The following PRAMEF14 variants were observed in gnomAD, a reference collection of about 807,000 sequenced individuals.
The protein encoded by PRAMEF14 is PRAME family member 14.
PRAMEF14 carries 24 observed loss-of-function variants against 38.3 expected under a neutral mutation model. The observed-to-expected ratio is 0.63, with a 90% CI of 0.45 to 0.88. PRAMEF14 has a LOEUF of 0.88. Ranked by LOEUF, PRAMEF14 falls within the 40% of genes least tolerant of loss-of-function variation. PRAMEF14 has a pLI of 0.00. For synonymous variants in PRAMEF14, 194 were observed against 226.4 expected (o/e 0.86, Z 1.29); for missense variants, 477 against 570.8 (o/e 0.84, Z 1.67).
intron 3 of PRAMEF14, chr1:13,343,800 G>A (rs1640364075): frequency 6.8e-7 from 1 of 1,461,044 alleles, no homozygotes; most frequent in African/African-American, 1.4e-5. Context: ...TAACTAGCTT[G>A]TACATGATGT....
chr1:13,344,748 T>G (rs1304425664), intron 2 of PRAMEF14, 132 bp from the exon 3 acceptor site: 1 of 1,458,268 alleles, frequency 6.9e-7, no homozygotes, highest in Non-Finnish European at 9.3e-7. Flanking sequence ...TCTCAATCCC[T>G]GTTCCCTTTT....
Position 13,344,318 on chromosome 1 carries a change from T to C in PRAMEF14, c.586A>G (p.Arg196Gly). 5.0e-6 allele frequency: 8 copies of C among 1,607,954 alleles called. No individual in the cohort carries two copies. The South Asian group carries it at 8.8e-5, about 18-fold the overall frequency. Reference protein sequence around the residue: ...VNYLTPIKHLRKSLKIIYLNS... With the variant: ...VNYLTPIKHLGKSLKIIYLNS... ...AGGTATATTATTTTCAATGACTTTCTGAGATGTTTAATCGGCGTTAGATAA... is the reference window on the plus strand; with the variant it reads ...AGGTATATTATTTTCAATGACTTTCCGAGATGTTTAATCGGCGTTAGATAA... The change falls in exon 3 of 4, where the codon AGA becomes GGA. Residue 196 changes from arginine (R) to glycine (G), a missense_variant. Physicochemically the swap from Arg to Gly is moderately radical, Grantham distance 125. This residue lies in a region of PRAMEF14 where 234 missense variants were observed against 247.4 expected (regional missense o/e 0.95). Transcript: ENST00000334600.
intron 1 of PRAMEF14, among the ~76,000 whole-genome samples, chr1:13,345,802 G>A (rs1194638843): frequency 4.1e-3 from 604 of 147,580 alleles, no homozygotes; most frequent in South Asian, 8.6e-3. Flanking sequence ...TCAGGAGTTC[G>A]AGAACAGCCT....
chr1:13,347,012 G>A, intron 1 of PRAMEF14, 45 bp downstream of exon 1: 1 of 149,976 alleles, frequency 6.7e-6, no homozygotes, highest in Non-Finnish European at 1.5e-5. Context: ...CTGACTGGCT[G>A]GCTGCTGATC....
Position 13,342,590 on chromosome 1 carries a change from T to G in PRAMEF14, c.1363A>C (p.Thr455Pro), listed in dbSNP as rs1387042015. ...GATGAGCCACAGGAAGGGCAGGGGGTGGGACCAATGAAGATCCTCTTGGGC... is the reference window on the plus strand; with the variant it reads ...GATGAGCCACAGGAAGGGCAGGGGGGGGGACCAATGAAGATCCTCTTGGGC... ...RQPKRIFIGP[T>P]PCPSCGSSPS... Residue 455 changes from threonine (T) to proline (P), a missense_variant, in exon 4 of 4, where the codon ACC (threonine) becomes CCC (proline). Transcript: ENST00000334600. 1.2e-6 allele frequency: 2 copies of G among 1,604,248 alleles called. No homozygotes were observed. Among genetic ancestry groups the G allele is most frequent in the Non-Finnish European group, 1.7e-6 (2 of 1,177,458 alleles).
Position 13,342,704 on chromosome 1 carries a change from C to A in PRAMEF14, c.1249G>T (p.Glu417Ter). 6.2e-7 allele frequency: 1 copy of A among 1,605,288 alleles called. No individual in the cohort carries two copies. Among genetic ancestry groups the A allele is most frequent in the Non-Finnish European group, 8.5e-7 (1 of 1,178,064 alleles). The change falls in exon 4 of 4, where the codon GAG becomes TAG. Residue 417 changes from glutamate to a stop codon, truncating the protein, a stop_gained. Transcript: ENST00000334600. LOFTEE classifies it high-confidence loss of function. ...ACACGAACCAAGGAATTCAAACTCT[C>A]CTCAGGGGCAGGATACGTCTCCAGG... ...LSLETYPAPE[E>*]SLNSLVRVDW...
At chr1:13,344,749 G>GTTCCCTTTTGA (rs1338118038) in intron 2 of PRAMEF14, 133 bp from the exon 3 acceptor site, 8 of 1,457,232 alleles carry the variant, frequency 5.5e-6, no homozygotes, top group Admixed American at 3.9e-5. Flanking sequence ...CTCAATCCCT[G>GTTCCCTTTTGA]TTCCCTTTTG....
At position 13,342,831 on chromosome 1, in the gene PRAMEF14, G is replaced by C. The variant is rs1553186897; in HGVS notation, c.1122C>G (p.Ser374Arg). 1 of 1,608,468 alleles carries C rather than the reference G, an allele frequency of 6.2e-7. No homozygotes were observed. The highest frequency in any genetic ancestry group is 8.5e-7 in the Non-Finnish European group (1 of 1,179,186). The change falls in exon 4 of 4, where the codon AGC (serine) becomes AGG (arginine). Residue 374 changes from serine (S) to arginine (R), a missense_variant. This residue lies in a region of PRAMEF14 where 151 missense variants were observed against 137.4 expected (regional missense o/e 1.10). Transcript: ENST00000334600. The part of the protein sequence containing the change: ...SQLSAILPGL[S>R]HCSQLTTFYF... ...AGAAGGTGGTGAGCTGGGAGCAGTG[G>C]CTCAGGCCAGGCAGGATGGCACTGA...
chr1:13,345,907 C>T (rs1305991205), intron 1 of PRAMEF14, among the ~76,000 whole-genome samples: 9 of 151,758 alleles, frequency 5.9e-5, no homozygotes, highest in Middle Eastern at 6.8e-3. Context: ...CAAGATCTCA[C>T]CACTGCTCTC....
At position 13,345,305 on chromosome 1, in the gene PRAMEF14, G is replaced by A; in HGVS notation, c.10C>T (p.Gln4Ter). Residue 4 changes from glutamine to a stop codon, truncating the protein, a stop_gained, in exon 2 of 4, where the codon CAG becomes TAG. Transcript: ENST00000334600. LOFTEE classifies it high-confidence loss of function. ...AGCTCCAGGAGTCTGGGTGGGGCCT[G>A]GATGCTCATCCTGATAGATCTGCAA... MSI[Q>*]APPRLLELAG... 1 of 1,606,604 alleles carries A rather than the reference G, an allele frequency of 6.2e-7. No homozygotes were observed.
In PRAMEF14 at chr1:13,344,174, G is replaced by T; in HGVS notation, c.730C>A (p.His244Asn). The change falls in exon 3 of 4, where the codon CAT becomes AAT. Residue 244 changes from histidine (H) to asparagine (N), a missense_variant. By Grantham distance (68) the His-to-Asn change is moderately conservative. Coordinates refer to ENST00000334600, the MANE Select transcript of PRAMEF14 (RefSeq NM_001024661.2). ...LRKLVFSRCHHSMSDNELEGR... is the reference protein window; with the variant it reads ...LRKLVFSRCHNSMSDNELEGR... ...TCGAGTTCATTATCTGACATGGAAT[G>T]ATGGCACCTGGAGAAAACGAGTTTG... 6.2e-7 allele frequency: 1 copy of T among 1,606,432 alleles called. No individual in the cohort carries two copies. The highest frequency in any genetic ancestry group is 1.1e-5 in the South Asian group (1 of 90,598).
chr1:13,346,302 G>A (rs1640404251), intron 1 of PRAMEF14, among the ~76,000 whole-genome samples: 1 of 151,456 alleles, frequency 6.6e-6, no homozygotes, highest in African/African-American at 2.4e-5. Flanking sequence ...GAGGTCAGGA[G>A]TTTGAGGCCA....
At chr1:13,343,324 CT>C (rs1162125868) in intron 3 of PRAMEF14, among the ~76,000 whole-genome samples, 4,047 of 127,096 alleles carry the variant, frequency 0.032, 131 homozygotes, top group African/African-American at 0.088. Context: ...TCTCTAAAGC[CT>C]TTTTTTTTTT....
chr1:13,342,598 A>C lies in PRAMEF14; in HGVS notation c.1355T>G (p.Ile452Ser), dbSNP rs61745371. 2 of 1,599,590 alleles carry C rather than the reference A, an allele frequency of 1.3e-6. No individual in the cohort carries two copies. The highest frequency in any genetic ancestry group is 1.7e-6 in the Non-Finnish European group (2 of 1,173,510). The change falls in exon 4 of 4, where the codon ATT becomes AGT. Residue 452 changes from isoleucine to serine, a missense_variant. This residue lies in a region of PRAMEF14 where 151 missense variants were observed against 137.4 expected (regional missense o/e 1.10). Coordinates refer to ENST00000334600, the MANE Select transcript of PRAMEF14 (RefSeq NM_001024661.2). ...REVRQPKRIF[I>S]GPTPCPSCGS... ...ACAGGAAGGGCAGGGGGTGGGACCA[A>C]TGAAGATCCTCTTGGGCTGCCTGAC...
intron 3 of PRAMEF14, chr1:13,343,812 T>C (rs1852943): frequency 7.8e-5 from 114 of 1,470,012 alleles, no homozygotes; most frequent in East Asian, 3.2e-4. Context: ...ACATGATGTC[T>C]CTCTCTAGCT....
intron 2 of PRAMEF14, 53 bp from the exon 3 acceptor site, chr1:13,344,669 C>G (rs1401082957): frequency 1.0e-5 from 16 of 1,601,700 alleles, no homozygotes; most frequent in Non-Finnish European, 1.4e-5. Flanking sequence ...CATCCCTGAC[C>G]TTTGCTTTCA....
In PRAMEF14 at chr1:13,344,404, A is replaced by C. The variant is rs1640374208; in HGVS notation, c.500T>G (p.Leu167Arg). 1 of 1,604,242 alleles carries C rather than the reference A, an allele frequency of 6.2e-7. No individual in the cohort carries two copies. The highest frequency in any genetic ancestry group is 8.5e-7 in the Non-Finnish European group (1 of 1,176,924). The change falls in exon 3 of 4, where the codon CTC becomes CGC. Residue 167 changes from leucine (L) to arginine (R), a missense_variant. By Grantham distance (102) the Leu-to-Arg change is moderately radical. Transcript: ENST00000334600. ...EIPQDECLRYLFQWVYQRRGL... is the reference protein window; with the variant it reads ...EIPQDECLRYRFQWVYQRRGL... Reference sequence around the variant, plus strand: ...TCTCCTTTGGTAAACCCACTGAAAGAGGTATCTCAGGCATTCATCCTGGGG... The same window carrying C: ...TCTCCTTTGGTAAACCCACTGAAAGCGGTATCTCAGGCATTCATCCTGGGG...
rs1640347048 is a variant in PRAMEF14, at chr1:13,342,783, A to G, written c.1170T>C (p.Ser390=). Reference sequence around the variant, plus strand: ...ACAACAGGTCCTTCAGGGCACCCATAGACATACAATTTCTGCCAAAGTAGA... The same window carrying G: ...ACAACAGGTCCTTCAGGGCACCCATGGACATACAATTTCTGCCAAAGTAGA... The part of the protein sequence containing the change: ...TTFYFGRNCM[S]MGALKDLLCH... The change falls in exon 4 of 4, where the codon TCT becomes TCC. Residue 390 remains serine, a synonymous_variant. Coordinates refer to ENST00000334600, the MANE Select transcript of PRAMEF14 (RefSeq NM_001024661.2). 1 of 1,604,120 alleles carries G rather than the reference A, an allele frequency of 6.2e-7. No individual in the cohort carries two copies. Among genetic ancestry groups the G allele is most frequent in the African/African-American group, 1.3e-5 (1 of 74,654 alleles).
chr1:13,343,201 G>A (rs1432730154), intron 3 of PRAMEF14, 115 bp from the exon 4 acceptor site: 15 of 645,326 alleles, frequency 2.3e-5, no homozygotes, highest in African/African-American at 5.5e-5. Flanking sequence ...ACCATCTGAT[G>A]ATGGTCCTCA....
Sources: gnomAD v4.1 joint callset for allele counts (sites outside exome capture counted in the v4.1 genomes callset) on GRCh38, gnomAD v4.1.1 for gene constraint, gnomAD v4.1.1 regional missense constraint, MANE v1.5 for transcripts, NCBI Gene and HGNC (gene_info 2026-07-23, HGNC 2026-07-21) for gene names.